The following GABBR2 variants were observed in gnomAD, a reference collection of about 807,000 sequenced individuals.
The protein encoded by GABBR2 is G-protein coupled receptor 51.
A neutral mutation model predicts 105.6 loss-of-function variants in GABBR2; 23 were observed. The observed-to-expected ratio is 0.22, with a 90% confidence interval of 0.16 to 0.31. GABBR2 has a LOEUF of 0.31. Ranked by LOEUF, GABBR2 falls within the 10% of genes least tolerant of loss-of-function variation. The probability of loss-of-function intolerance (pLI) is 1.00; values close to 1 mark genes in which losing one functional copy is unlikely to be tolerated. For synonymous variants in GABBR2, 478 were observed against 499.7 expected (o/e 0.96, Z 0.58); for missense variants, 734 against 1,245.5 (o/e 0.59, Z 6.18).
At chr9:98,343,404 A>G (rs1831247754) in intron 13 of GABBR2, among the ~76,000 whole-genome samples, 1 of 152,084 alleles carries the variant, frequency 6.6e-6, no homozygotes, top group African/African-American at 2.4e-5. Flanking sequence ...ATGTCGCTCC[A>G]TTTCAAGACC....
intron 7 of GABBR2, among the ~76,000 whole-genome samples, chr9:98,429,782 T>C (rs1395457536): frequency 6.6e-6 from 1 of 152,188 alleles, no homozygotes; most frequent in Non-Finnish European, 1.5e-5. Context: ...ATGTCTTCTC[T>C]TGACTTCTGA....
intron 9 of GABBR2, among the ~76,000 whole-genome samples, chr9:98,391,433 T>G (rs576325690): frequency 6.6e-6 from 1 of 152,256 alleles, no homozygotes; most frequent in East Asian, 1.9e-4. Context: ...AAGCTTATGG[T>G]CTAACTACTA....
chr9:98,509,027 G>A (rs1420612939), intron 3 of GABBR2, among the ~76,000 whole-genome samples: 1 of 152,214 alleles, frequency 6.6e-6, no homozygotes, highest in Non-Finnish European at 1.5e-5. Context: ...CCCAGTAGGG[G>A]CAGACTGACA....
chr9:98,288,926 T>C lies in GABBR2; in HGVS notation c.*1658A>G, dbSNP rs931204816. On this transcript the variant is annotated 3_prime_UTR_variant, in exon 19 of 19. Transcript: ENST00000259455. ...CTGCAGTGGTTCTGGGAAGAGATTA[T>C]TGCCTGCCTGTTGAAGCTGCCAATA... The C allele has an allele frequency of 6.5e-6, 1 of 152,674 alleles. No homozygotes were observed. Among genetic ancestry groups the C allele is most frequent in the South Asian group, 2.1e-4 (1 of 4,832 alleles). The allele number at this position is 152,674 out of a possible 1,614,324, so 9.5% of individuals were successfully genotyped here.
At chr9:98,427,177 G>A (rs913987327) in intron 7 of GABBR2, among the ~76,000 whole-genome samples, 3 of 152,208 alleles carry the variant, frequency 2.0e-5, no homozygotes, top group Non-Finnish European at 2.9e-5. Context: ...AACAAACACA[G>A]TTGAGTGTCT....
At chr9:98,496,657 T>G in intron 3 of GABBR2, 143 bp from the exon 4 acceptor site, 1 of 644,720 alleles carries the variant, frequency 1.6e-6, no homozygotes, top group South Asian at 1.8e-5. Context: ...TTTTACATTA[T>G]TAACTAGACC....
At chr9:98,473,790 C>A (rs1826735177) in intron 5 of GABBR2, among the ~76,000 whole-genome samples, 1 of 152,080 alleles carries the variant, frequency 6.6e-6, no homozygotes, top group African/African-American at 2.4e-5. Flanking sequence ...AGTCTCTAAC[C>A]CTAAAAATGT....
chr9:98,436,249 TG>T (rs1489206273), intron 7 of GABBR2, among the ~76,000 whole-genome samples: 2 of 129,024 alleles, frequency 1.6e-5, no homozygotes, highest in Non-Finnish European at 3.2e-5. Flanking sequence ...TGTCAATATC[TG>T]ATTTCTTCTG....
chr9:98,582,892 T>A lies in GABBR2; in HGVS notation c.322-4820A>T, dbSNP rs555844920. 9.2e-5 allele frequency among the ~76,000 whole-genome samples: 14 copies of A among 152,334 alleles called. No individual in the cohort carries two copies. In the South Asian group the frequency reaches 2.9e-3, roughly 32 times the overall value. ...GCTAATCTAGCCCCACACTCTCATT[T>A]TCAGATGCAGAGACTGAGGACTAGA... On this transcript the variant is annotated intron_variant, in intron 1 of 18. Coordinates refer to ENST00000259455, the MANE Select transcript of GABBR2 (RefSeq NM_005458.8).
At chr9:98,648,093 G>A (rs867919836) in intron 1 of GABBR2, among the ~76,000 whole-genome samples, 30 of 85,644 alleles carry the variant, frequency 3.5e-4, no homozygotes, top group African/African-American at 1.2e-3. Flanking sequence ...GTGTGTGTGT[G>A]TGTGTGTGTG....
At chr9:98,535,842 T>A (rs1034591220) in intron 3 of GABBR2, among the ~76,000 whole-genome samples, 1 of 152,096 alleles carries the variant, frequency 6.6e-6, no homozygotes, top group Non-Finnish European at 1.5e-5. Flanking sequence ...ACTATGGGGA[T>A]CAGTAAAAAG....
At chr9:98,515,164 A>C (rs781379931) in intron 3 of GABBR2, among the ~76,000 whole-genome samples, 4 of 152,170 alleles carry the variant, frequency 2.6e-5, no homozygotes, top group African/African-American at 9.7e-5. Flanking sequence ...GAAGGGATTC[A>C]GGCATCAGAT....
chr9:98,488,090 G>A (rs564116289), intron 4 of GABBR2, among the ~76,000 whole-genome samples: 3 of 152,148 alleles, frequency 2.0e-5, no homozygotes, highest in Admixed American at 1.3e-4. Flanking sequence ...GGATGCAGGT[G>A]GCCTCTAGAT....
chr9:98,357,200 T>C (rs1393473837), intron 13 of GABBR2, among the ~76,000 whole-genome samples: 1 of 152,094 alleles, frequency 6.6e-6, no homozygotes, highest in Non-Finnish European at 1.5e-5. Flanking sequence ...TTTGAAAAAA[T>C]GTACCAGACA....
At chr9:98,435,794 C>T (rs1041951304) in intron 7 of GABBR2, among the ~76,000 whole-genome samples, 1 of 152,174 alleles carries the variant, frequency 6.6e-6, no homozygotes, top group African/African-American at 2.4e-5. Flanking sequence ...TCAATCTCAA[C>T]TCAAAGTCAC....
intron 6 of GABBR2, among the ~76,000 whole-genome samples, chr9:98,455,271 C>T (rs1439938100): frequency 6.6e-6 from 1 of 152,220 alleles, no homozygotes. Context: ...GACCTTGGAA[C>T]TTGCACTTCC....
chr9:98,614,954 T>C (rs1258831335), intron 1 of GABBR2, among the ~76,000 whole-genome samples: 1 of 152,240 alleles, frequency 6.6e-6, no homozygotes, highest in Non-Finnish European at 1.5e-5. Flanking sequence ...TCCCTCTGCC[T>C]GTTGTTCTCT....
chr9:98,486,571 T>TAG (rs1827055635), intron 4 of GABBR2, among the ~76,000 whole-genome samples: 8 of 152,202 alleles, frequency 5.3e-5, no homozygotes, highest in Non-Finnish European at 1.2e-4. Context: ...CCCATGCATC[T>TAG]GTCTAGGTCC....
At chr9:98,566,706 C>T (rs1828755669) in intron 2 of GABBR2, among the ~76,000 whole-genome samples, 4 of 135,592 alleles carry the variant, frequency 3.0e-5, no homozygotes, top group East Asian at 2.4e-4. Context: ...ATTAGCTGGG[C>T]GTGGTAGTAT....
Sources: allele counts gnomAD v4.1 joint callset (sites outside exome capture counted in the v4.1 genomes callset), GRCh38; gene constraint gnomAD v4.1.1; transcripts MANE v1.5; gene names NCBI Gene and HGNC (gene_info 2026-07-23, HGNC 2026-07-21).